FHOD3: variants seen among roughly 807,000 people sequenced by gnomAD.
The protein encoded by FHOD3 is FH1/FH2 domain-containing protein 3.
In FHOD3, 90 loss-of-function variants were observed where a neutral mutation model predicts 173.0. The observed-to-expected ratio is 0.52, with a 90% CI of 0.44 to 0.62. FHOD3 has a LOEUF of 0.62. Among genes scored for constraint, FHOD3 ranks in the 20% least tolerant of loss-of-function variants. The pLI is 0.00. For missense variants in FHOD3, 1,945 were observed against 2,034.7 expected (o/e 0.96, Z 0.85); for synonymous variants, 828 against 823.0 (o/e 1.01, Z -0.10).
chr18:36,421,896 A>G (rs2050003881), intron 3 of FHOD3, among the ~76,000 whole-genome samples: 1 of 152,230 alleles, frequency 6.6e-6, no homozygotes, highest in Non-Finnish European at 1.5e-5. Context: ...ATAGCACCCC[A>G]AAGCCCTCTC....
At chr18:36,593,067 C>T (rs1302744774) in intron 6 of FHOD3, among the ~76,000 whole-genome samples, 2 of 152,118 alleles carry the variant, frequency 1.3e-5, no homozygotes, top group African/African-American at 4.8e-5. Context: ...CCAAAAAGAA[C>T]CAATGAAAAA....
intron 18 of FHOD3, chr18:36,710,310 A>G (rs1046389106): frequency 6.6e-6 from 1 of 152,218 alleles, no homozygotes; most frequent in Admixed American, 6.5e-5. Flanking sequence ...GTCATGTCTT[A>G]TGGGCCAGCC....
At chr18:36,636,625 A>G (rs2034903535) in intron 10 of FHOD3, among the ~76,000 whole-genome samples, 1 of 151,346 alleles carries the variant, frequency 6.6e-6, no homozygotes, top group Non-Finnish European at 1.5e-5. Context: ...CCATATCCAC[A>G]TGGCCCCAGA....
intron 3 of FHOD3, among the ~76,000 whole-genome samples, chr18:36,457,005 C>T (rs1040506747): frequency 2.0e-5 from 3 of 152,058 alleles, no homozygotes; most frequent in African/African-American, 7.3e-5. Flanking sequence ...GAAGATGAAG[C>T]TTGGGAAGAT....
intron 3 of FHOD3, among the ~76,000 whole-genome samples, chr18:36,450,443 G>GTTTGTTTGTTTA (rs760423653): frequency 3.2e-4 from 30 of 92,976 alleles, no homozygotes; most frequent in Non-Finnish European, 4.6e-4. Flanking sequence ...CGACCAGTTT[G>GTTTGTTTGTTTA]TTTATTTATT....
chr18:36,730,785 TAAAC>T lies in FHOD3; in HGVS notation c.3561_3564del (p.Asn1187LysfsTer8). The T allele has an allele frequency of 1.9e-6, 3 of 1,614,060 alleles. No homozygotes were observed. The highest frequency in any genetic ancestry group is 2.5e-6 in the Non-Finnish European group (3 of 1,180,002). Reference sequence around the variant, plus strand: ...ATTTTGAATTTTGATGAGTATGCCTTAAACAAAGAAGGAATCGAGGTGAGGGAAG... The same window carrying T: ...ATTTTGAATTTTGATGAGTATGCCTTAAAGAAGGAATCGAGGTGAGGGAAG... On this transcript the variant is annotated frameshift_variant, in exon 20 of 29. Coordinates refer to ENST00000590592, the MANE Select transcript of FHOD3 (RefSeq NM_001281740.3). LOFTEE classifies it high-confidence loss of function.
chr18:36,411,171 G>A (rs1240461421), intron 3 of FHOD3, among the ~76,000 whole-genome samples: 1 of 151,998 alleles, frequency 6.6e-6, no homozygotes, highest in African/African-American at 2.4e-5. Context: ...GATCCATTTT[G>A]TATTTAGTGT....
At chr18:36,406,904 C>T (rs914109752) in intron 3 of FHOD3, among the ~76,000 whole-genome samples, 1 of 152,170 alleles carries the variant, frequency 6.6e-6, no homozygotes, top group African/African-American at 2.4e-5. Context: ...TGCTTACCTA[C>T]GCATCCGCCC....
chr18:36,737,616 C>T (rs1023562340), intron 20 of FHOD3, among the ~76,000 whole-genome samples: 1 of 152,258 alleles, frequency 6.6e-6, no homozygotes, highest in South Asian at 2.1e-4. Context: ...CTCAGGCTCA[C>T]CTTCGATAAC....
intron 5 of FHOD3, among the ~76,000 whole-genome samples, chr18:36,532,807 A>T (rs2056841934): frequency 6.6e-6 from 1 of 152,226 alleles, no homozygotes; most frequent in African/African-American, 2.4e-5. Flanking sequence ...TTGAGATTGC[A>T]TGGAGAGTTC....
chr18:36,765,275 G>T (rs1038592563), intron 27 of FHOD3, among the ~76,000 whole-genome samples: 1 of 152,148 alleles, frequency 6.6e-6, no homozygotes, highest in Non-Finnish European at 1.5e-5. Context: ...GAAAAAGAGA[G>T]GTGGGAAGTG....
At chr18:36,749,519 T>G (rs1392754505) in intron 24 of FHOD3, among the ~76,000 whole-genome samples, 3 of 152,244 alleles carry the variant, frequency 2.0e-5, no homozygotes, top group Non-Finnish European at 2.9e-5. Flanking sequence ...GTGTTCTTTC[T>G]TATGGATGTA....
chr18:36,693,524 A>G, intron 17 of FHOD3, 101 bp downstream of exon 17: 1 of 1,062,410 alleles, frequency 9.4e-7, no homozygotes, highest in Non-Finnish European at 1.4e-6. Context: ...ATACTGAGAC[A>G]GCAACTATGG....
chr18:36,568,386 AG>A, intron 5 of FHOD3, among the ~76,000 whole-genome samples: 1 of 132,762 alleles, frequency 7.5e-6, no homozygotes, highest in South Asian at 2.6e-4. Context: ...AGGGAGCCTC[AG>A]GGAACCTAAA....
intron 5 of FHOD3, among the ~76,000 whole-genome samples, chr18:36,534,464 T>TTTATTTTATTTATTTATTTTTTA (rs2056911843): frequency 6.6e-6 from 1 of 151,850 alleles, no homozygotes; most frequent in Non-Finnish European, 1.5e-5. Flanking sequence ...ACTATTTTCT[T>TTTATTTTATTTATTTATTTTTTA]TTATTTTATT....
chr18:36,591,399 A>T (rs1169941544), intron 6 of FHOD3, among the ~76,000 whole-genome samples: 3 of 152,078 alleles, frequency 2.0e-5, no homozygotes, highest in African/African-American at 7.2e-5. Flanking sequence ...GGGGGCTACT[A>T]CGAGGTGAGA....
intron 2 of FHOD3, among the ~76,000 whole-genome samples, chr18:36,369,718 A>G (rs1555683042): frequency 4.6e-5 from 7 of 151,844 alleles, no homozygotes; most frequent in Non-Finnish European, 1.5e-5. Context: ...GCATAATTTG[A>G]TTTCTCAATA....
At chr18:36,513,126 T>C (rs1246237208) in intron 5 of FHOD3, among the ~76,000 whole-genome samples, 2 of 152,026 alleles carry the variant, frequency 1.3e-5, no homozygotes, top group Non-Finnish European at 2.9e-5. Flanking sequence ...GTTAATGGTG[T>C]TTTTATAGTC....
intron 5 of FHOD3, among the ~76,000 whole-genome samples, chr18:36,552,068 A>G (rs1490049227): frequency 2.6e-5 from 4 of 152,152 alleles, no homozygotes; most frequent in African/African-American, 9.7e-5. Context: ...ATGGCATTAA[A>G]TCTGTAAATT....
Sources: gnomAD v4.1 joint callset for allele counts (sites outside exome capture counted in the v4.1 genomes callset) on GRCh38, gnomAD v4.1.1 for gene constraint, MANE v1.5 for transcripts, NCBI Gene and HGNC (gene_info 2026-07-23, HGNC 2026-07-21) for gene names.